Variants in PCDH9 observed in about 807,000 individuals in gnomAD.
The protein encoded by PCDH9 is protocadherin 9, also known as protocadherin-9.
A neutral mutation model predicts 70.6 loss-of-function variants in PCDH9; 24 were observed. The ratio of observed to expected loss-of-function variants is 0.34; its 90% CI spans 0.25 to 0.48. The LOEUF is 0.48. Among genes scored for constraint, PCDH9 ranks in the 20% least tolerant of loss-of-function variants. The pLI, the probability that PCDH9 is intolerant of heterozygous loss-of-function variation, is 0.99. For synonymous variants in PCDH9, 562 were observed against 558.5 expected, an observed-to-expected ratio of 1.01 and a Z score of -0.09; for missense variants, 1,281 against 1,503.6, an observed-to-expected ratio of 0.85 and a Z score of 2.45.
At chr13:66,356,018 A>C (rs147955618) in intron 4 of PCDH9, among the ~76,000 whole-genome samples, 14 of 152,256 alleles carry the variant, frequency 9.2e-5, no homozygotes, top group African/African-American at 3.4e-4. Context: ...AAAAATTATT[A>C]AATAAGATAA....
intron 4 of PCDH9, among the ~76,000 whole-genome samples, chr13:66,329,458 C>T (rs1484175776): frequency 6.6e-6 from 1 of 152,152 alleles, no homozygotes; most frequent in Non-Finnish European, 1.5e-5. Flanking sequence ...CTTATCTTTC[C>T]TCCTCATTTC....
chr13:66,836,394 A>T (rs890440855), intron 3 of PCDH9, among the ~76,000 whole-genome samples: 15 of 152,156 alleles, frequency 9.9e-5, no homozygotes, highest in Non-Finnish European at 1.3e-4. Flanking sequence ...GTATTTTTTT[A>T]AAAAATTACA....
At chr13:66,425,757 G>T (rs1957657649) in intron 4 of PCDH9, among the ~76,000 whole-genome samples, 1 of 151,608 alleles carries the variant, frequency 6.6e-6, no homozygotes, top group Admixed American at 6.6e-5. Context: ...TTTTTATACA[G>T]AATCATTCTG....
At position 66,304,321 on chromosome 13, in the gene PCDH9, C is replaced by A; in HGVS notation, c.*334G>T. Reference sequence around the variant, plus strand: ...TCTAACTGGATATGTTTTTCAGTCACTCTAATCCATGAAACTTTCTTACTT... The same window carrying A: ...TCTAACTGGATATGTTTTTCAGTCAATCTAATCCATGAAACTTTCTTACTT... On this transcript the variant is annotated 3_prime_UTR_variant, in exon 5 of 5. Transcript: ENST00000377865. The A allele has an allele frequency of 6.5e-6, 1 of 153,838 alleles. No homozygotes were observed. The highest frequency in any genetic ancestry group is 1.8e-4 in the East Asian group (1 of 5,554). The allele number at this position is 153,838 out of a possible 1,614,324, so 9.5% of individuals were successfully genotyped here. A position where few individuals can be genotyped will look rare whatever the true frequency, so the allele number is the denominator to read the frequency against.
chr13:67,031,497 G>T (rs2084905906), intron 2 of PCDH9, among the ~76,000 whole-genome samples: 1 of 151,944 alleles, frequency 6.6e-6, no homozygotes, highest in African/African-American at 2.4e-5. Context: ...TTGAGGTCTG[G>T]AGTGGTGAAA....
chr13:66,620,330 C>T (rs2077406119), intron 4 of PCDH9, among the ~76,000 whole-genome samples: 1 of 152,120 alleles, frequency 6.6e-6, no homozygotes, highest in Non-Finnish European at 1.5e-5. Flanking sequence ...TATTAGTAGG[C>T]TCATTTTGGT....
intron 2 of PCDH9, among the ~76,000 whole-genome samples, chr13:66,983,046 T>C (rs1223645082): frequency 6.6e-6 from 1 of 152,184 alleles, no homozygotes; most frequent in Non-Finnish European, 1.5e-5. Context: ...GCAGTTCACC[T>C]ATAGGGGAGT....
intron 2 of PCDH9, among the ~76,000 whole-genome samples, chr13:67,089,862 T>A (rs896687230): frequency 1.3e-5 from 2 of 152,022 alleles, no homozygotes; most frequent in Non-Finnish European, 1.5e-5. Flanking sequence ...TCTTTACCCT[T>A]CTTGTTTCTG....
At chr13:66,402,503 C>T (rs1957205657) in intron 4 of PCDH9, among the ~76,000 whole-genome samples, 1 of 151,792 alleles carries the variant, frequency 6.6e-6, no homozygotes, top group South Asian at 2.1e-4. Flanking sequence ...ATATTTATAT[C>T]CATCTTCCTA....
chr13:66,670,182 G>A lies in PCDH9; in HGVS notation c.3139-38771C>T, dbSNP rs141573880. Among the ~76,000 whole-genome samples the A allele has an allele frequency of 3.2e-3, 493 of 152,238 alleles. 1 individual carries two copies. The highest frequency in any genetic ancestry group is 0.011 in the African/African-American group (472 of 41,534). Reference sequence around the variant, plus strand: ...ACATTATGAGCATATGCATTTCTGTGATGGAAATGTCTCTGTCTTGTTTTG... The same window carrying A: ...ACATTATGAGCATATGCATTTCTGTAATGGAAATGTCTCTGTCTTGTTTTG... On this transcript the variant is annotated intron_variant, in intron 3 of 4. Transcript: ENST00000377865.
chr13:67,173,994 T>A (rs560040031), intron 2 of PCDH9, among the ~76,000 whole-genome samples: 112 of 152,310 alleles, frequency 7.4e-4, no homozygotes, highest in African/African-American at 2.6e-3. Flanking sequence ...CCAATTCATA[T>A]GATATTAAAG....
At chr13:66,563,924 G>T (rs181252756) in intron 4 of PCDH9, among the ~76,000 whole-genome samples, 2 of 151,614 alleles carry the variant, frequency 1.3e-5, no homozygotes, top group Admixed American at 1.3e-4. Context: ...TTAACGCAGG[G>T]TGTTTTTTTT....
chr13:66,721,852 G>T (rs1477417806), intron 3 of PCDH9, among the ~76,000 whole-genome samples: 5 of 152,004 alleles, frequency 3.3e-5, no homozygotes, highest in Non-Finnish European at 7.4e-5. Flanking sequence ...TTATAGTGCT[G>T]CTCTCATTCT....
chr13:66,497,104 G>T (rs1348428266), intron 4 of PCDH9, among the ~76,000 whole-genome samples: 1 of 151,112 alleles, frequency 6.6e-6, no homozygotes, highest in Non-Finnish European at 1.5e-5. Flanking sequence ...TCCTTGCTCT[G>T]TTGCCCAGGC....
chr13:67,159,584 G>A (rs1449212858), intron 2 of PCDH9, among the ~76,000 whole-genome samples: 4 of 152,084 alleles, frequency 2.6e-5, no homozygotes, highest in Non-Finnish European at 5.9e-5. Flanking sequence ...AAAACATTTC[G>A]AAAAATAAAA....
chr13:66,889,206 T>A (rs1325600862), intron 3 of PCDH9, among the ~76,000 whole-genome samples: 1 of 152,182 alleles, frequency 6.6e-6, no homozygotes, highest in East Asian at 1.9e-4. Context: ...ATTGAGAAAG[T>A]CCTGATTACT....
At chr13:67,215,978 T>C (rs1377610936) in intron 2 of PCDH9, 1 of 152,146 alleles carries the variant, frequency 6.6e-6, no homozygotes, top group African/African-American at 2.4e-5. Flanking sequence ...TGAGTTGCCA[T>C]TTGAGACCAA....
intron 4 of PCDH9, among the ~76,000 whole-genome samples, chr13:66,380,038 A>G (rs1412120895): frequency 6.6e-6 from 1 of 152,174 alleles, no homozygotes; most frequent in Non-Finnish European, 1.5e-5. Flanking sequence ...TTCACTTAGA[A>G]TATATATGGA....
intron 2 of PCDH9, among the ~76,000 whole-genome samples, chr13:66,950,483 A>G (rs1341354098): frequency 1.3e-5 from 2 of 151,834 alleles, no homozygotes; most frequent in Non-Finnish European, 2.9e-5. Flanking sequence ...CATAAAAGAT[A>G]TATGTGTATG....
Sources: allele counts gnomAD v4.1 joint callset (sites outside exome capture counted in the v4.1 genomes callset), GRCh38; gene constraint gnomAD v4.1.1; transcripts MANE v1.5; gene names NCBI Gene and HGNC (gene_info 2026-07-23, HGNC 2026-07-21).